Variants in CLVS1 observed in about 807,000 individuals in gnomAD.
CLVS1 encodes clavesin-1.
Under a neutral mutation model 33.1 loss-of-function variants are expected in CLVS1, and 10 were observed. The observed-to-expected ratio is 0.30, with a 90% CI of 0.19 to 0.51. The LOEUF is 0.51. CLVS1 is among the 20% of genes least tolerant of loss of function. CLVS1 has a pLI of 0.97. For synonymous variants in CLVS1, 163 were observed against 166.1 expected (o/e 0.98, Z 0.14); for missense variants, 343 against 433.4 (o/e 0.79, Z 1.85).
intron 2 of CLVS1, among the ~76,000 whole-genome samples, chr8:61,352,152 G>C (rs1419977838): frequency 3.9e-5 from 6 of 151,944 alleles, no homozygotes; most frequent in African/African-American, 1.4e-4. Context: ...GACTTTAATG[G>C]TAATGAAGCT....
intron 5 of CLVS1, among the ~76,000 whole-genome samples, chr8:61,474,162 A>T (rs565293961): frequency 6.6e-6 from 1 of 152,326 alleles, no homozygotes; most frequent in African/African-American, 2.4e-5. Context: ...CCATTCTCCA[A>T]CATGGAGAAT....
intron 2 of CLVS1, among the ~76,000 whole-genome samples, chr8:61,266,041 T>C (rs1232077027): frequency 6.6e-6 from 1 of 152,184 alleles, no homozygotes; most frequent in Non-Finnish European, 1.5e-5. Flanking sequence ...GGCTTCCTGT[T>C]CGTCTCCCCA....
At chr8:61,371,583 A>G (rs1813441130) in intron 2 of CLVS1, among the ~76,000 whole-genome samples, 1 of 152,226 alleles carries the variant, frequency 6.6e-6, no homozygotes, top group Non-Finnish European at 1.5e-5. Context: ...TTACATGGTT[A>G]TCTGATCACT....
At chr8:61,253,756 T>G (rs951472720) in intron 2 of CLVS1, among the ~76,000 whole-genome samples, 2 of 152,254 alleles carry the variant, frequency 1.3e-5, no homozygotes, top group Admixed American at 1.3e-4. Flanking sequence ...TCTTGTGCCA[T>G]GGTTTTCAGC....
intron 2 of CLVS1, among the ~76,000 whole-genome samples, chr8:61,143,648 ACT>A (rs57317486): frequency 0.024 from 3,598 of 151,898 alleles, 134 homozygotes; most frequent in African/African-American, 0.082. Flanking sequence ...CTCAGAGTGT[ACT>A]GTCTATTCTG....
In CLVS1 at chr8:61,105,367, A is replaced by G. The variant is rs983610593; in HGVS notation, c.-242-26403A>G. On this transcript the variant is annotated intron_variant, in intron 1 of 2. Coordinates refer to the CLVS1 transcript ENST00000522621. Reference sequence around the variant, plus strand: ...TATTATTGGGATTTAATAGCTTTCTAACTGATTTCTCTGACCCCAGGTTCT... The same window carrying G: ...TATTATTGGGATTTAATAGCTTTCTGACTGATTTCTCTGACCCCAGGTTCT... Among the ~76,000 whole-genome samples the G allele has an allele frequency of 1.1e-4, 17 of 152,324 alleles. No individual in the cohort carries two copies. The Middle Eastern group carries it at 0.014, about 122-fold the overall frequency.
chr8:61,371,015 A>G lies in CLVS1; in HGVS notation c.456-5590A>G, dbSNP rs576521743. Among the ~76,000 whole-genome samples, 10 of 152,316 alleles carry G rather than the reference A, an allele frequency of 6.6e-5. No homozygotes were observed. In the South Asian group the frequency reaches 2.1e-3, roughly 32 times the overall value. The stretch of plus-strand genomic sequence containing the variant: ...CTTCTTTTCCTCTGAGTAGATACTC[A>G]GTGGGATTGCTGGATCAAATGGTAG... On this transcript the variant is annotated intron_variant, in intron 2 of 5. Transcript: ENST00000325897.
At chr8:61,473,341 T>TAAAAAAAA (rs58281654) in intron 5 of CLVS1, among the ~76,000 whole-genome samples, 2 of 96,226 alleles carry the variant, frequency 2.1e-5, no homozygotes, top group Admixed American at 1.2e-4. Context: ...TCACGGAATT[T>TAAAAAAAA]AAAAAAAAAA....
intron 3 of CLVS1, among the ~76,000 whole-genome samples, chr8:61,450,151 G>T (rs967435541): frequency 6.6e-6 from 1 of 152,156 alleles, no homozygotes; most frequent in African/African-American, 2.4e-5. Context: ...TAAAACATTA[G>T]AAGAAGAGAA....
the CLVS1 span, among the ~76,000 whole-genome samples, chr8:61,042,372 G>A: frequency 2.0e-5 from 3 of 152,160 alleles, no homozygotes; most frequent in Non-Finnish European, 4.4e-5. Context: ...GACGTTAAGA[G>A]GAAGTCATCA....
intron 3 of CLVS1, among the ~76,000 whole-genome samples, chr8:61,425,354 C>T (rs1281358780): frequency 6.6e-6 from 1 of 152,120 alleles, no homozygotes; most frequent in Non-Finnish European, 1.5e-5. Context: ...ATTCATTATA[C>T]TATGCACAAG....
At chr8:61,142,995 C>G (rs1186582659) in intron 2 of CLVS1, among the ~76,000 whole-genome samples, 1 of 152,270 alleles carries the variant, frequency 6.6e-6, no homozygotes, top group South Asian at 2.1e-4. Context: ...GTTTGAATTA[C>G]CTGAACTAGA....
intron 3 of CLVS1, among the ~76,000 whole-genome samples, chr8:61,396,164 G>A (rs1047078362): frequency 1.3e-5 from 2 of 152,064 alleles, no homozygotes; most frequent in Admixed American, 6.6e-5. Flanking sequence ...TTCATTAGTT[G>A]TTTGCCAGAG....
chr8:61,423,417 T>C (rs1295299401), intron 3 of CLVS1, among the ~76,000 whole-genome samples: 1 of 152,176 alleles, frequency 6.6e-6, no homozygotes, highest in Non-Finnish European at 1.5e-5. Flanking sequence ...TCATTATGAC[T>C]TTCACCTCTT....
chr8:61,274,739 A>T (rs893810096), intron 2 of CLVS1, among the ~76,000 whole-genome samples: 1 of 152,226 alleles, frequency 6.6e-6, no homozygotes. Context: ...AAACTGATTT[A>T]AAACACATCC....
chr8:61,376,500 G>C (rs1813648146), intron 2 of CLVS1, 105 bp from the exon 3 acceptor site: 3 of 1,013,104 alleles, frequency 3.0e-6, no homozygotes, highest in Admixed American at 2.2e-5. Flanking sequence ...GACCCTCCAG[G>C]CGGGGTTCAT....
Position 61,458,519 on chromosome 8 carries a change from A to G in CLVS1, c.954A>G (p.Glu318=). 8 of 1,610,470 alleles carry G rather than the reference A, an allele frequency of 5.0e-6. No individual in the cohort carries two copies. Among genetic ancestry groups the G allele is most frequent in the Non-Finnish European group, 6.8e-6 (8 of 1,177,922 alleles). The change falls in exon 5 of 6, where the codon GAA becomes GAG. Residue 318 remains glutamate, a synonymous_variant. Transcript: ENST00000325897. ...VKHTSSNLER[E]CSPKLMKRSQ... ...ATACGTCCTCGAATCTGGAGAGAGA[A>G]TGCTCACCCAAGCTGATGAAAAGGT...
At chr8:61,233,613 T>C (rs1161441386) in intron 2 of CLVS1, among the ~76,000 whole-genome samples, 2 of 152,152 alleles carry the variant, frequency 1.3e-5, no homozygotes, top group Admixed American at 1.3e-4. Flanking sequence ...TCCCTACTCC[T>C]AGAACCAGAC....
chr8:61,085,917 T>G (rs1805114655), intron 1 of CLVS1, among the ~76,000 whole-genome samples: 1 of 151,288 alleles, frequency 6.6e-6, no homozygotes, highest in Non-Finnish European at 1.5e-5. Context: ...GCGCCTGTAG[T>G]CCCAGCTGCT....
Sources: allele counts gnomAD v4.1 joint callset (sites outside exome capture counted in the v4.1 genomes callset), GRCh38; gene constraint gnomAD v4.1.1; transcripts MANE v1.5; gene names NCBI Gene and HGNC (gene_info 2026-07-23, HGNC 2026-07-21).